Variants in CSRNP3 observed in about 807,000 individuals in gnomAD.
The protein encoded by CSRNP3 is cysteine/serine-rich nuclear protein 3.
CSRNP3 carries 12 observed loss-of-function variants against 48.0 expected under a neutral mutation model. That is an observed-to-expected ratio of 0.25 (90% CI 0.16 to 0.41). CSRNP3 has a LOEUF of 0.41. CSRNP3 is among the 10% of genes least tolerant of loss of function. CSRNP3 has a pLI of 1.00. For synonymous variants in CSRNP3, 263 were observed against 269.7 expected (o/e 0.98, Z 0.24); for missense variants, 580 against 724.4 (o/e 0.80, Z 2.29).
rs867290492 is a variant in CSRNP3 at position 165,679,737 on chromosome 2, AG to A, written c.1743del (p.Thr582GlnfsTer18). 1.9e-6 allele frequency: 3 copies of A among 1,613,346 alleles called. No homozygotes were observed. In the African/African-American group the frequency reaches 4.0e-5, roughly 22 times the overall value. On this transcript the variant is annotated frameshift_variant, in exon 7 of 7. Coordinates refer to ENST00000651982, the MANE Select transcript of CSRNP3 (RefSeq NM_001172173.2). LOFTEE classifies it high-confidence loss of function. ...HEECIKSPVVETVPV is the reference protein window; with the variant it reads ...HEECIKSPVVXTVPV Reference sequence around the variant, plus strand: ...GAGTGCATCAAATCACCCGTGGTTGAGACAGTCCCTGTTTAGTAGCTTAAAT... The same window carrying A: ...GAGTGCATCAAATCACCCGTGGTTGAACAGTCCCTGTTTAGTAGCTTAAAT...
intron 4 of CSRNP3, among the ~76,000 whole-genome samples, chr2:165,635,389 G>A (rs1362667971): frequency 6.6e-6 from 1 of 152,096 alleles, no homozygotes; most frequent in Non-Finnish European, 1.5e-5. Context: ...GGAAAAGAAG[G>A]AGCTTTAAAG....
chr2:165,497,970 C>CT (rs1403822113), intron 2 of CSRNP3, among the ~76,000 whole-genome samples: 4 of 152,024 alleles, frequency 2.6e-5, no homozygotes, highest in African/African-American at 9.7e-5. Flanking sequence ...TTCTTATTGC[C>CT]TTTTTGTGGC....
intron 6 of CSRNP3, 124 bp downstream of exon 6, chr2:165,676,732 C>T (rs567692013): frequency 7.1e-6 from 5 of 700,638 alleles, no homozygotes; most frequent in African/African-American, 3.5e-5. Context: ...CAAGGCAAGA[C>T]ATGTAATTCA....
chr2:165,483,808 C>A (rs534701986), intron 1 of CSRNP3, among the ~76,000 whole-genome samples: 1 of 152,050 alleles, frequency 6.6e-6, no homozygotes, highest in Non-Finnish European at 1.5e-5. Flanking sequence ...GGCACTAATC[C>A]GCCTTCATGA....
intron 4 of CSRNP3, among the ~76,000 whole-genome samples, chr2:165,648,945 A>T (rs944537016): frequency 1.3e-5 from 2 of 152,200 alleles, no homozygotes; most frequent in African/African-American, 4.8e-5. Context: ...AATTCAGCTT[A>T]CAGAGAGCTG....
In CSRNP3 at chr2:165,499,597, C is replaced by T. The variant is rs145085008; in HGVS notation, c.-113+4669C>T. Among the ~76,000 whole-genome samples, 23 of 152,086 alleles carry T rather than the reference C, an allele frequency of 1.5e-4. No homozygotes were observed. The East Asian group carries it at 4.5e-3, about 29-fold the overall frequency. On this transcript the variant is annotated intron_variant, in intron 2 of 6. Coordinates refer to ENST00000651982, the MANE Select transcript of CSRNP3 (RefSeq NM_001172173.2). Reference sequence around the variant, plus strand: ...TATTGTACCATATGTTTTATATGTTCGGCTACAGTGATCTTGCAGGAACTA... The same window carrying T: ...TATTGTACCATATGTTTTATATGTTTGGCTACAGTGATCTTGCAGGAACTA...
In CSRNP3 at chr2:165,595,648, G is replaced by T. The variant is rs73972108; in HGVS notation, c.148+435G>T. On this transcript the variant is annotated intron_variant, in intron 4 of 6. Coordinates refer to ENST00000651982, the MANE Select transcript of CSRNP3 (RefSeq NM_001172173.2). Reference sequence around the variant, plus strand: ...ATGAGAAGGAGTTTAGGCAGCCAGGGATTAAGCAGAAATGTGAAGGCAGCA... The same window carrying T: ...ATGAGAAGGAGTTTAGGCAGCCAGGTATTAAGCAGAAATGTGAAGGCAGCA... 2.4e-3 allele frequency among the ~76,000 whole-genome samples: 363 copies of T among 152,272 alleles called. 1 individual carries two copies. Among genetic ancestry groups the T allele is most frequent in the African/African-American group, 8.4e-3 (347 of 41,550 alleles).
At position 165,514,751 on chromosome 2, in the gene CSRNP3, AT is replaced by A. The variant is rs1457281906; in HGVS notation, c.-112-3115del. 2.6e-5 allele frequency among the ~76,000 whole-genome samples: 4 copies of A among 151,772 alleles called. No homozygotes were observed. The East Asian group carries it at 7.7e-4, about 29-fold the overall frequency. On this transcript the variant is annotated intron_variant, in intron 2 of 6. Coordinates refer to ENST00000651982, the MANE Select transcript of CSRNP3 (RefSeq NM_001172173.2). ...CTCCTGCTCCTCCTCCTCCTTAAACATTTTTTTAGAGGCTGGTCTCGGATTT... is the reference window on the plus strand; with the variant it reads ...CTCCTGCTCCTCCTCCTCCTTAAACATTTTTTAGAGGCTGGTCTCGGATTT...
chr2:165,607,037 G>T (rs1028031324), intron 4 of CSRNP3, among the ~76,000 whole-genome samples: 11 of 151,964 alleles, frequency 7.2e-5, no homozygotes, highest in Non-Finnish European at 1.5e-5. Context: ...TGAGTATTAA[G>T]CACGTGTTAT....
At position 165,499,465 on chromosome 2, in the gene CSRNP3, T is replaced by C. The variant is rs942633320; in HGVS notation, c.-113+4537T>C. Reference sequence around the variant, plus strand: ...GATTTCTAAATAGGCTGCAATAATATTTAATCCTTTCACTCTGGGAAGTGC... The same window carrying C: ...GATTTCTAAATAGGCTGCAATAATACTTAATCCTTTCACTCTGGGAAGTGC... On this transcript the variant is annotated intron_variant, in intron 2 of 6. Transcript: ENST00000651982. Among the ~76,000 whole-genome samples, 5 of 152,260 alleles carry C rather than the reference T, an allele frequency of 3.3e-5. No homozygotes were observed. In the East Asian group the frequency reaches 9.6e-4, roughly 29 times the overall value.
chr2:165,481,250 T>C (rs1684038898), intron 1 of CSRNP3, among the ~76,000 whole-genome samples: 2 of 152,184 alleles, frequency 1.3e-5, no homozygotes, highest in South Asian at 4.1e-4. Flanking sequence ...CATACTGAGT[T>C]AATCAATGCA....
intron 3 of CSRNP3, chr2:165,567,030 C>A (rs1239029870): frequency 2.0e-5 from 3 of 152,018 alleles, no homozygotes; most frequent in Non-Finnish European, 4.4e-5. Flanking sequence ...ATAGAAAACT[C>A]TTTTTCTTAT....
chr2:165,633,737 A>G (rs934498943), intron 4 of CSRNP3, among the ~76,000 whole-genome samples: 3 of 152,346 alleles, frequency 2.0e-5, no homozygotes, highest in East Asian at 1.9e-4. Context: ...TGCCTGGCAC[A>G]TAGTAGTTGC....
intron 5 of CSRNP3, among the ~76,000 whole-genome samples, chr2:165,659,046 A>AT (rs1687055347): frequency 6.6e-6 from 1 of 152,100 alleles, no homozygotes; most frequent in Middle Eastern, 3.2e-3. Flanking sequence ...ATATTAAGGT[A>AT]TTTTTTCCTC....
At chr2:165,516,665 G>A (rs554019675) in intron 2 of CSRNP3, among the ~76,000 whole-genome samples, 2 of 152,136 alleles carry the variant, frequency 1.3e-5, no homozygotes, top group South Asian at 2.1e-4. Context: ...GGTTTCTTAA[G>A]TTCATCTACC....
rs561435801 is a variant in CSRNP3, at chr2:165,684,841, T to C, written c.*5088T>C. The C allele has an allele frequency of 1.3e-5, 2 of 151,916 alleles. No homozygotes were observed. Among genetic ancestry groups the C allele is most frequent in the South Asian group, 2.1e-4 (1 of 4,814 alleles). The allele number at this position is 151,916 out of a possible 1,614,324, so 9.4% of individuals were successfully genotyped here. A position where few individuals can be genotyped will look rare whatever the true frequency, so the allele number is the denominator to read the frequency against. ...AAGTGGTGGTGTCTTCTAGGAATTA[T>C]GAAAAAAAAAGCTCAGCAGAGCTAA... is the stretch of plus-strand genomic sequence containing the variant. On this transcript the variant is annotated 3_prime_UTR_variant, in exon 7 of 7. Coordinates refer to ENST00000651982, the MANE Select transcript of CSRNP3 (RefSeq NM_001172173.2).
chr2:165,501,784 T>C (rs961081757), intron 2 of CSRNP3, among the ~76,000 whole-genome samples: 1 of 152,136 alleles, frequency 6.6e-6, no homozygotes, highest in Admixed American at 6.6e-5. Flanking sequence ...ATTATTAAGA[T>C]TGTTAAATAC....
chr2:165,553,531 A>G (rs903571437), intron 3 of CSRNP3, among the ~76,000 whole-genome samples: 8 of 152,130 alleles, frequency 5.3e-5, no homozygotes, highest in African/African-American at 1.9e-4. Context: ...ACCAATTCTT[A>G]TTTCTCAGAT....
chr2:165,657,726 C>T (rs780127357), intron 4 of CSRNP3, 35 bp from the exon 5 acceptor site: 13 of 1,603,898 alleles, frequency 8.1e-6, no homozygotes, highest in Non-Finnish European at 1.1e-5. Flanking sequence ...AACTGCTGCC[C>T]CAAGTGTTCA....
Sources: allele counts gnomAD v4.1 joint callset (sites outside exome capture counted in the v4.1 genomes callset), GRCh38; gene constraint gnomAD v4.1.1; transcripts MANE v1.5; gene names NCBI Gene and HGNC (gene_info 2026-07-23, HGNC 2026-07-21).